Variants in ACLY observed in about 807,000 individuals in gnomAD.
ACLY encodes the protein ATP citrate lyase.
Under a neutral mutation model 133.0 loss-of-function variants are expected in ACLY, and 41 were observed. The ratio of observed to expected loss-of-function variants is 0.31; its 90% CI spans 0.24 to 0.40. The LOEUF is 0.40. Among genes scored for constraint, ACLY ranks in the 10% least tolerant of loss-of-function variants. The probability of loss-of-function intolerance (pLI) is 1.00; values close to 1 mark genes in which losing one functional copy is unlikely to be tolerated. For synonymous variants in ACLY, 495 were observed against 549.3 expected (o/e 0.90, Z 1.38); for missense variants, 1,046 against 1,453.8 (o/e 0.72, Z 4.56).
chr17:41,918,844 G>A, intron 1 of ACLY, 36 bp downstream of exon 1: 1 of 1,285,780 alleles, frequency 7.8e-7, no homozygotes. Context: ...TAGGGCGAGC[G>A]GGCTCCAGCC....
At chr17:41,868,971 TA>T in intron 27 of ACLY, 71 bp downstream of exon 27, 1 of 1,436,872 alleles carries the variant, frequency 7.0e-7, no homozygotes, top group Non-Finnish European at 9.7e-7. Flanking sequence ...GAGTATGCAT[TA>T]CTTTTATAGT....
chr17:41,890,046 C>A (rs1157418826), intron 16 of ACLY, among the ~76,000 whole-genome samples: 5 of 152,068 alleles, frequency 3.3e-5, no homozygotes, highest in Admixed American at 3.3e-4. Context: ...AGGATATAGG[C>A]AAATGTTAAT....
rs554510674 is a variant in ACLY, at chr17:41,909,005, G to A, written c.600C>T (p.Leu200=). 32 of 1,613,274 alleles carry A rather than the reference G, an allele frequency of 2.0e-5. No homozygotes were observed. The highest frequency in any genetic ancestry group is 2.0e-4 in the South Asian group (18 of 90,918). The change falls in exon 6 of 29, where the codon CTC becomes CTT. Residue 200 remains leucine, a synonymous_variant. Coordinates refer to ENST00000352035, the MANE Select transcript of ACLY (RefSeq NM_001096.3). ...NFYEDLYFTY[L]EINPLVVTKD... The stretch of plus-strand genomic sequence containing the variant: ...CCCAGTTACCAAGGGGATTGATCTC[G>A]AGGTAGGTGAAGTACAAGTCCTCGT...
chr17:41,906,670 A>G, intron 7 of ACLY, 24 bp from the exon 8 acceptor site: 3 of 1,605,724 alleles, frequency 1.9e-6, no homozygotes, highest in Non-Finnish European at 2.6e-6. Flanking sequence ...AGCAACAGGT[A>G]GGCCCTTGGG....
At chr17:41,874,922 CAA>C (rs76281431) in intron 22 of ACLY, among the ~76,000 whole-genome samples, 110 of 128,128 alleles carry the variant, frequency 8.6e-4, no homozygotes, top group African/African-American at 1.6e-3. Flanking sequence ...TGTGTTATAG[CAA>C]AAAAAAAAAA....
At chr17:41,918,101 G>T (rs1040763956) in intron 1 of ACLY, among the ~76,000 whole-genome samples, 91 of 152,358 alleles carry the variant, frequency 6.0e-4, no homozygotes, top group South Asian at 1.9e-3. Context: ...CGCTGGGACT[G>T]GCCCATTGCC....
At chr17:41,916,863 G>A (rs1176831483) in intron 1 of ACLY, among the ~76,000 whole-genome samples, 1 of 151,978 alleles carries the variant, frequency 6.6e-6, no homozygotes, top group Non-Finnish European at 1.5e-5. Context: ...GAACATTTGC[G>A]GCCAGGCACG....
At chr17:41,892,221 T>C (rs2049233964) in intron 16 of ACLY, 58 bp downstream of exon 16, 1 of 1,295,222 alleles carries the variant, frequency 7.7e-7, no homozygotes, top group African/African-American at 1.5e-5. Context: ...AGCCCAGTGA[T>C]CTACCTGCGC....
chr17:41,894,999 A>G (rs1479514771), intron 14 of ACLY, among the ~76,000 whole-genome samples: 1 of 152,136 alleles, frequency 6.6e-6, no homozygotes, highest in Non-Finnish European at 1.5e-5. Flanking sequence ...TGATGTTGCA[A>G]ATACCTGGGA....
intron 16 of ACLY, among the ~76,000 whole-genome samples, chr17:41,890,384 G>GAA (rs781914466): frequency 2.3e-5 from 3 of 132,470 alleles, no homozygotes; most frequent in Non-Finnish European, 1.6e-5. Flanking sequence ...CTGACCGATT[G>GAA]AAAAAAAAAA....
intron 16 of ACLY, among the ~76,000 whole-genome samples, chr17:41,890,585 G>A (rs2049179379): frequency 6.6e-6 from 1 of 152,008 alleles, no homozygotes; most frequent in South Asian, 2.1e-4. Flanking sequence ...CTACTTGGGA[G>A]GCTGAGGCAG....
At chr17:41,887,483 C>T in intron 17 of ACLY, 116 bp downstream of exon 17, 1 of 823,668 alleles carries the variant, frequency 1.2e-6, no homozygotes, top group South Asian at 1.5e-5. Context: ...ACACATACTT[C>T]CTGAATCTTC....
At chr17:41,929,857 A>C (rs1156517863) in intron 1 of ACLY, among the ~76,000 whole-genome samples, 1 of 149,008 alleles carries the variant, frequency 6.7e-6, no homozygotes, top group African/African-American at 2.5e-5. Context: ...CCAGTTTTAC[A>C]TGTATGCCGT....
In ACLY at chr17:41,905,502, T is replaced by A; in HGVS notation, c.1003+20A>T. 1 of 1,614,128 alleles carries A rather than the reference T, an allele frequency of 6.2e-7. No homozygotes were observed. The highest frequency in any genetic ancestry group is 1.7e-5 in the Admixed American group (1 of 60,022). The stretch of plus-strand genomic sequence containing the variant: ...TCCTGGGGAAGTGGGGACAGGTATG[T>A]GTGTGTGCAAGTATCTCACCATCTG... On this transcript the variant is annotated intron_variant, in intron 9 of 28. Transcript: ENST00000352035.
At chr17:41,894,605 T>C (rs554823867) in intron 14 of ACLY, among the ~76,000 whole-genome samples, 5 of 151,130 alleles carry the variant, frequency 3.3e-5, no homozygotes, top group African/African-American at 1.2e-4. Context: ...TTATTACGCA[T>C]TGCACGCCTG....
At chr17:41,930,491 A>G in exon 1 of ACLY, 1 of 482,308 alleles carries the variant, frequency 2.1e-6, no homozygotes. Context: ...AACACTAACC[A>G]GCCCAGCCGT....
At chr17:41,908,910 TG>T in intron 6 of ACLY, 78 bp downstream of exon 6, 1 of 1,209,548 alleles carries the variant, frequency 8.3e-7, no homozygotes, top group South Asian at 1.3e-5. Flanking sequence ...AGTGGGAGTC[TG>T]GTTCTCTGAA....
chr17:41,914,180 C>G (rs1180396989), intron 1 of ACLY, among the ~76,000 whole-genome samples: 1 of 152,176 alleles, frequency 6.6e-6, no homozygotes, highest in Non-Finnish European at 1.5e-5. Flanking sequence ...CTGCCCCATT[C>G]CCTCTAGGCA....
intron 1 of ACLY, among the ~76,000 whole-genome samples, chr17:41,926,191 G>A (rs1182587567): frequency 1.3e-5 from 2 of 152,194 alleles, no homozygotes; most frequent in East Asian, 3.9e-4. Context: ...AATAAAAGAA[G>A]AAATAAAGCA....
Sources: allele counts gnomAD v4.1 joint callset (sites outside exome capture counted in the v4.1 genomes callset), GRCh38; gene constraint gnomAD v4.1.1; transcripts MANE v1.5; gene names NCBI Gene and HGNC (gene_info 2026-07-23, HGNC 2026-07-21).